Variants in RGL1 observed in about 807,000 individuals in gnomAD.
The protein encoded by RGL1 is ral guanine nucleotide dissociation stimulator-like 1.
Under a neutral mutation model 95.2 loss-of-function variants are expected in RGL1, and 24 were observed. That is an observed-to-expected ratio of 0.25 (90% CI 0.18 to 0.35). RGL1 has a LOEUF of 0.35. Among genes scored for constraint, RGL1 ranks in the 10% least tolerant of loss-of-function variants. The pLI is 1.00. For missense variants in RGL1, 715 were observed against 936.3 expected, an observed-to-expected ratio of 0.76 and a Z score of 3.08; for synonymous variants, 329 against 344.9, an observed-to-expected ratio of 0.95 and a Z score of 0.51.
chr1:183,768,615 T>C (rs967261296), intron 2 of RGL1, among the ~76,000 whole-genome samples: 2 of 151,694 alleles, frequency 1.3e-5, no homozygotes, highest in African/African-American at 4.8e-5. Flanking sequence ...ACTACAGGCA[T>C]GTGCCACCAC....
At chr1:183,737,760 A>G (rs550633217) in intron 1 of RGL1, among the ~76,000 whole-genome samples, 2 of 152,196 alleles carry the variant, frequency 1.3e-5, no homozygotes, top group African/African-American at 4.8e-5. Flanking sequence ...AAAAATTCCC[A>G]AACAATTTTC....
chr1:183,813,298 G>C (rs916982564), intron 2 of RGL1, among the ~76,000 whole-genome samples: 1 of 152,218 alleles, frequency 6.6e-6, no homozygotes, highest in African/African-American at 2.4e-5. Flanking sequence ...TGGGTGAAAT[G>C]TACTGGGGAC....
intron 2 of RGL1, among the ~76,000 whole-genome samples, chr1:183,778,350 A>G (rs1659707495): frequency 6.6e-6 from 1 of 152,238 alleles, no homozygotes; most frequent in South Asian, 2.1e-4. Context: ...GGAAAAATCT[A>G]GCGGGGGAGA....
chr1:183,882,175 T>G (rs1666861377), intron 5 of RGL1, among the ~76,000 whole-genome samples: 1 of 152,232 alleles, frequency 6.6e-6, no homozygotes, highest in African/African-American at 2.4e-5. Context: ...TACTTATCTC[T>G]GGAGGAGAAT....
At chr1:183,864,595 T>G (rs543363214) in intron 3 of RGL1, among the ~76,000 whole-genome samples, 23 of 152,244 alleles carry the variant, frequency 1.5e-4, no homozygotes, top group African/African-American at 5.5e-4. Context: ...CTTGCTCATG[T>G]GGGGCTGAGT....
chr1:183,793,307 A>G (rs1464986357), intron 2 of RGL1, among the ~76,000 whole-genome samples: 1 of 152,176 alleles, frequency 6.6e-6, no homozygotes, highest in Non-Finnish European at 1.5e-5. Flanking sequence ...AAAGACTTAA[A>G]CATAATTCCT....
intron 2 of RGL1, among the ~76,000 whole-genome samples, chr1:183,761,246 C>T (rs1267874688): frequency 6.6e-6 from 1 of 152,126 alleles, no homozygotes; most frequent in Non-Finnish European, 1.5e-5. Context: ...CAGCTATAGC[C>T]TTATGAAATA....
intron 15 of RGL1, among the ~76,000 whole-genome samples, chr1:183,914,953 C>T (rs878959157): frequency 6.6e-6 from 1 of 152,128 alleles, no homozygotes; most frequent in Admixed American, 6.5e-5. Context: ...TCAGTTAGTC[C>T]TCAAATTGAG....
At chr1:183,776,804 C>A (rs1455830429) in intron 2 of RGL1, among the ~76,000 whole-genome samples, 1 of 152,164 alleles carries the variant, frequency 6.6e-6, no homozygotes, top group East Asian at 1.9e-4. Context: ...AAGCTTTGTA[C>A]CTCCTGGGGA....
chr1:183,903,563 G>GA lies in RGL1; in HGVS notation c.1350+963_1350+964insA, dbSNP rs373569678. Among the ~76,000 whole-genome samples, 1,120 of 152,276 alleles carry GA rather than the reference G, an allele frequency of 7.4e-3. 13 individuals carry two copies. The highest frequency in any genetic ancestry group is 0.026 in the African/African-American group (1,068 of 41,542). ...ATATTGACTGTCTACCTAACATGGGGGGGGTTTGGGAATTACAGCAGAGAA... is the reference window on the plus strand; with the variant it reads ...ATATTGACTGTCTACCTAACATGGGGAGGGGTTTGGGAATTACAGCAGAGAA... On this transcript the variant is annotated intron_variant, in intron 12 of 17. Transcript: ENST00000360851.
At chr1:183,642,604 G>A (rs1273283309) in intron 1 of RGL1, among the ~76,000 whole-genome samples, 3 of 152,220 alleles carry the variant, frequency 2.0e-5, no homozygotes, top group East Asian at 3.9e-4. Flanking sequence ...CCTTGTTATT[G>A]TAATGATTTT....
At chr1:183,745,454 GT>G (rs1657568900) in intron 2 of RGL1, among the ~76,000 whole-genome samples, 1 of 151,938 alleles carries the variant, frequency 6.6e-6, no homozygotes, top group African/African-American at 2.4e-5. Context: ...AGTTCTAAAA[GT>G]TCTAAATGTT....
At chr1:183,682,701 A>C (rs999211516) in intron 1 of RGL1, among the ~76,000 whole-genome samples, 4 of 152,206 alleles carry the variant, frequency 2.6e-5, no homozygotes, top group African/African-American at 9.7e-5. Context: ...TCCAGAGCTG[A>C]GTTCAAGTCC....
chr1:183,770,394 G>C (rs1659212397), intron 2 of RGL1, among the ~76,000 whole-genome samples: 1 of 152,096 alleles, frequency 6.6e-6, no homozygotes, highest in South Asian at 2.1e-4. Flanking sequence ...GCCTAGGAGG[G>C]CTTCTGAAAC....
chr1:183,657,007 G>A (rs1383030973), intron 1 of RGL1, among the ~76,000 whole-genome samples: 13 of 99,798 alleles, frequency 1.3e-4, no homozygotes, highest in South Asian at 3.8e-4. Flanking sequence ...TCACAAAATC[G>A]ACTCAAAAAA....
At chr1:183,916,395 T>A (rs771068791) in intron 15 of RGL1, 52 bp from the exon 16 acceptor site, 1 of 1,597,196 alleles carries the variant, frequency 6.3e-7, no homozygotes, top group Non-Finnish European at 8.5e-7. Flanking sequence ...ATTGCAAAGC[T>A]GTTGGCCAGC....
intron 2 of RGL1, among the ~76,000 whole-genome samples, chr1:183,773,015 CAAAAAAAAAAA>C (rs60100787): frequency 2.1e-4 from 15 of 72,444 alleles, no homozygotes; most frequent in South Asian, 6.7e-4. Flanking sequence ...GACTCCGTCT[CAAAAAAAAAAA>C]AAAAAAAAAA....
upstream of RGL1, among the ~76,000 whole-genome samples, chr1:183,800,242 T>G (rs531979771): frequency 6.6e-6 from 1 of 152,196 alleles, no homozygotes; most frequent in Admixed American, 6.5e-5. Flanking sequence ...TGTGGTGTCA[T>G]AGAGACCAAT....
chr1:183,880,351 A>G (rs1450912819), intron 4 of RGL1, among the ~76,000 whole-genome samples: 1 of 147,870 alleles, frequency 6.8e-6, no homozygotes, highest in Non-Finnish European at 1.5e-5. Flanking sequence ...GGTTTTTCCA[A>G]AGTTTAGCCT....
Sources: allele counts gnomAD v4.1 joint callset (sites outside exome capture counted in the v4.1 genomes callset), GRCh38; gene constraint gnomAD v4.1.1; transcripts MANE v1.5; gene names NCBI Gene and HGNC (gene_info 2026-07-23, HGNC 2026-07-21).